CTNNBL1: variants seen among roughly 807,000 people sequenced by gnomAD.
CTNNBL1 encodes the protein catenin beta like 1.
Under a neutral mutation model 72.7 loss-of-function variants are expected in CTNNBL1, and 31 were observed. That is an observed-to-expected ratio of 0.43 (90% confidence interval 0.32 to 0.58). CTNNBL1 has a LOEUF of 0.58. Ranked by LOEUF, CTNNBL1 falls within the 20% of genes least tolerant of loss-of-function variation. The pLI, the probability that CTNNBL1 is intolerant of heterozygous loss-of-function variation, is 0.08. For missense variants in CTNNBL1, 534 were observed against 725.1 expected (o/e 0.74, Z 3.03); for synonymous variants, 240 against 267.3 (o/e 0.90, Z 1.00).
chr20:37,755,224 T>A (rs565808156), intron 4 of CTNNBL1, among the ~76,000 whole-genome samples: 2 of 152,324 alleles, frequency 1.3e-5, no homozygotes, highest in East Asian at 1.9e-4. Flanking sequence ...CTGTGACTTT[T>A]AAAAATGGCG....
chr20:37,809,575 C>T (rs896510222), intron 11 of CTNNBL1, among the ~76,000 whole-genome samples: 3 of 152,184 alleles, frequency 2.0e-5, no homozygotes, highest in African/African-American at 7.2e-5. Context: ...CCTGATCACA[C>T]GTGTCACACT....
Position 37,720,867 on chromosome 20 carries a change from C to T in CTNNBL1, c.31-12012C>T, listed in dbSNP as rs530422706. ...GATCCCTACTCTTGAAGACCTAGCT[C>T]ATGATTTAGTAGAGGAAATAGAGAC... On this transcript the variant is annotated intron_variant, in intron 1 of 15. Coordinates refer to ENST00000361383, the MANE Select transcript of CTNNBL1 (RefSeq NM_030877.5). Among the ~76,000 whole-genome samples, 3 of 152,268 alleles carry T rather than the reference C, an allele frequency of 2.0e-5. No individual in the cohort carries two copies. The East Asian group carries it at 5.8e-4, about 29-fold the overall frequency.
At chr20:37,765,344 C>T (rs2073457583) in intron 6 of CTNNBL1, 54 bp downstream of exon 6, 2 of 1,170,176 alleles carry the variant, frequency 1.7e-6, no homozygotes, top group East Asian at 2.6e-5. Flanking sequence ...TGTTTTGGGA[C>T]TCTGTGCTCA....
chr20:37,710,232 C>T (rs1349044058), intron 1 of CTNNBL1, among the ~76,000 whole-genome samples: 1 of 152,172 alleles, frequency 6.6e-6, no homozygotes, highest in Non-Finnish European at 1.5e-5. Context: ...GCTTTTACTT[C>T]TGCACTGTGG....
In CTNNBL1 at chr20:37,719,969, T is replaced by C. The variant is rs2073026005; in HGVS notation, c.31-12910T>C. Among the ~76,000 whole-genome samples the C allele has an allele frequency of 4.6e-5, 7 of 151,842 alleles. No individual in the cohort carries two copies. The South Asian group carries it at 1.5e-3, about 32-fold the overall frequency. Reference sequence around the variant, plus strand: ...AGTCCTCCCATCTCAGCCTTCTGAGTAGCTGGGACTACAGGCATGTGCGTG... The same window carrying C: ...AGTCCTCCCATCTCAGCCTTCTGAGCAGCTGGGACTACAGGCATGTGCGTG... On this transcript the variant is annotated intron_variant, in intron 1 of 15. Coordinates refer to ENST00000361383, the MANE Select transcript of CTNNBL1 (RefSeq NM_030877.5).
chr20:37,715,998 A>ATT (rs11370851), intron 1 of CTNNBL1, among the ~76,000 whole-genome samples: 10 of 149,252 alleles, frequency 6.7e-5, no homozygotes, highest in East Asian at 1.9e-4. Flanking sequence ...GTTTTTGGGT[A>ATT]TTTTTTTTTT....
intron 5 of CTNNBL1, among the ~76,000 whole-genome samples, chr20:37,763,308 T>C (rs2073435058): frequency 6.6e-6 from 1 of 152,206 alleles, no homozygotes; most frequent in African/African-American, 2.4e-5. Flanking sequence ...TTTTGCTGGC[T>C]GTGAGATTTG....
intron 1 of CTNNBL1, among the ~76,000 whole-genome samples, chr20:37,696,163 CA>C (rs1394251824): frequency 6.6e-6 from 1 of 152,130 alleles, no homozygotes; most frequent in Non-Finnish European, 1.5e-5. Context: ...ACTGGGTATA[CA>C]ACACTGAATA....
At position 37,787,636 on chromosome 20, in the gene CTNNBL1, G is replaced by A. The variant is rs148440959; in HGVS notation, c.1031+8301G>A. The stretch of plus-strand genomic sequence containing the variant: ...TGGGATTACAGGCGTGAGCCACCGC[G>A]CCCGGCCCATAACTGTGTTTTTTAA... On this transcript the variant is annotated intron_variant, in intron 10 of 15. Coordinates refer to ENST00000361383, the MANE Select transcript of CTNNBL1 (RefSeq NM_030877.5). 1.8e-3 allele frequency among the ~76,000 whole-genome samples: 279 copies of A among 152,286 alleles called. 2 individuals are homozygous for A. Among genetic ancestry groups the A allele is most frequent in the African/African-American group, 5.6e-3 (233 of 41,576 alleles).
At chr20:37,795,891 T>C (rs923109063) in intron 10 of CTNNBL1, among the ~76,000 whole-genome samples, 1 of 134,064 alleles carries the variant, frequency 7.5e-6, no homozygotes, top group African/African-American at 2.9e-5. Flanking sequence ...AATTTTACCT[T>C]GTTAGATGTT....
chr20:37,762,686 T>C (rs1274548644), intron 5 of CTNNBL1, among the ~76,000 whole-genome samples: 3 of 152,196 alleles, frequency 2.0e-5, no homozygotes, highest in Admixed American at 6.5e-5. Flanking sequence ...TAGAATAGAA[T>C]GCTAATATGT....
intron 7 of CTNNBL1, among the ~76,000 whole-genome samples, chr20:37,768,604 T>C (rs1445963427): frequency 6.6e-6 from 1 of 152,214 alleles, no homozygotes; most frequent in Non-Finnish European, 1.5e-5. Context: ...TTCTGCGTTT[T>C]AGTTACTCAC....
intron 10 of CTNNBL1, among the ~76,000 whole-genome samples, chr20:37,791,968 C>T (rs978183111): frequency 6.6e-6 from 1 of 152,200 alleles, no homozygotes; most frequent in Non-Finnish European, 1.5e-5. Context: ...CTTTTCATAA[C>T]ACTCTTTTGA....
intron 1 of CTNNBL1, among the ~76,000 whole-genome samples, chr20:37,725,237 G>C (rs1370625959): frequency 6.6e-6 from 1 of 151,876 alleles, no homozygotes; most frequent in East Asian, 1.9e-4. Context: ...CATTAAAAAG[G>C]GACCCACATT....
chr20:37,804,439 G>A (rs1455792976), intron 11 of CTNNBL1, among the ~76,000 whole-genome samples: 1 of 152,126 alleles, frequency 6.6e-6, no homozygotes, highest in Non-Finnish European at 1.5e-5. Context: ...GAACTGGGAA[G>A]GCAGCCGAGC....
intron 11 of CTNNBL1, among the ~76,000 whole-genome samples, chr20:37,816,211 G>A (rs985768615): frequency 6.6e-6 from 1 of 152,206 alleles, no homozygotes; most frequent in African/African-American, 2.4e-5. Flanking sequence ...TTCAAGAGAA[G>A]CAGCCCTTTT....
intron 2 of CTNNBL1, among the ~76,000 whole-genome samples, chr20:37,735,754 AT>A (rs2073165940): frequency 6.6e-6 from 1 of 152,222 alleles, no homozygotes; most frequent in East Asian, 1.9e-4. Flanking sequence ...GGAAATAGAA[AT>A]TTAATAATAG....
intron 13 of CTNNBL1, among the ~76,000 whole-genome samples, chr20:37,852,005 CAGGGCATGTACAGCAGGTA>C (rs1210553656): frequency 6.6e-6 from 1 of 152,202 alleles, no homozygotes; most frequent in Non-Finnish European, 1.5e-5. Context: ...ATACCCAACA[CAGGGCATGTACAGCAGGTA>C]AGATTAATGC....
At chr20:37,762,492 A>G (rs1459029795) in intron 5 of CTNNBL1, among the ~76,000 whole-genome samples, 1 of 152,122 alleles carries the variant, frequency 6.6e-6, no homozygotes, top group Non-Finnish European at 1.5e-5. Context: ...ATTGTTTGGG[A>G]TGCCTGCTAA....
Sources: gnomAD v4.1 joint callset for allele counts (sites outside exome capture counted in the v4.1 genomes callset) on GRCh38, gnomAD v4.1.1 for gene constraint, MANE v1.5 for transcripts, NCBI Gene and HGNC (gene_info 2026-07-23, HGNC 2026-07-21) for gene names.